CTPS1: variants seen among roughly 807,000 people sequenced by gnomAD.
The protein encoded by CTPS1 is CTP synthase 1, also known as CTP synthetase 1.
CTPS1 carries 25 observed loss-of-function variants against 80.5 expected under a neutral mutation model. That is an observed-to-expected ratio of 0.31 (90% CI 0.23 to 0.43). CTPS1 has a LOEUF of 0.43. CTPS1 is among the 20% of genes least tolerant of loss of function. The pLI, the probability that CTPS1 is intolerant of heterozygous loss-of-function variation, is 1.00. For synonymous variants in CTPS1, 267 were observed against 252.5 expected (o/e 1.06, Z -0.54); for missense variants, 442 against 725.7 (o/e 0.61, Z 4.49).
intron 5 of CTPS1, 67 bp downstream of exon 5, chr1:40,988,777 T>C (rs1195377611): frequency 9.7e-7 from 1 of 1,031,424 alleles, no homozygotes; most frequent in Non-Finnish European, 1.5e-6. Flanking sequence ...TAAACCGGAA[T>C]GATTTTCACT....
intron 1 of CTPS1, 135 bp from the exon 2 acceptor site, chr1:40,983,143 C>A: frequency 1.5e-6 from 1 of 662,688 alleles, no homozygotes; most frequent in Non-Finnish European, 2.5e-6. Context: ...CGAGAACCTT[C>A]TGAAGTCCTG....
intron 6 of CTPS1, among the ~76,000 whole-genome samples, chr1:40,991,475 C>T (rs1255384418): frequency 6.6e-6 from 1 of 152,136 alleles, no homozygotes; most frequent in African/African-American, 2.4e-5. Context: ...TCTTTTTACT[C>T]TCATTTTTAC....
rs933527017 is a variant in CTPS1, at chr1:40,994,044, G to T, written c.721-1873G>T. ...TCTGCCTGCCTCGGCCTCCCAAAGT[G>T]CTGGGATTACAGGTGTGAGCCACCG... On this transcript the variant is annotated intron_variant, in intron 7 of 18. Coordinates refer to ENST00000650070, the MANE Select transcript of CTPS1 (RefSeq NM_001905.4). 3.3e-5 allele frequency among the ~76,000 whole-genome samples: 5 copies of T among 152,078 alleles called. No homozygotes were observed. The East Asian group carries it at 9.6e-4, about 29-fold the overall frequency.
At chr1:40,988,442 CCTGTTAA>C (rs970988098) in intron 4 of CTPS1, 145 bp from the exon 5 acceptor site, 12 of 627,858 alleles carry the variant, frequency 1.9e-5, no homozygotes, top group South Asian at 1.4e-4. Context: ...TTGTCTAATT[CCTGTTAA>C]CTGTTAACTA....
rs565397192 is a variant in CTPS1 at position 41,011,719 on chromosome 1, G to A, written c.*71G>A. ...AGTTTACAGCTCTGACTTTACACTCGGCTTTGGAGACTTTCTTTAAATTAT... is the reference window on the plus strand; with the variant it reads ...AGTTTACAGCTCTGACTTTACACTCAGCTTTGGAGACTTTCTTTAAATTAT... On this transcript the variant is annotated 3_prime_UTR_variant, in exon 19 of 19. Coordinates refer to ENST00000650070, the MANE Select transcript of CTPS1 (RefSeq NM_001905.4). The A allele has an allele frequency of 8.6e-5, 13 of 152,040 alleles. No homozygotes were observed. Among genetic ancestry groups the A allele is most frequent in the African/African-American group, 2.4e-4 (10 of 41,452 alleles). 9.4% of individuals were successfully genotyped at this position (152,040 alleles called of 1,614,324 possible).
In CTPS1 at chr1:40,988,753, G is replaced by A. The variant is rs6675122; in HGVS notation, c.555+43G>A. 0.23 allele frequency: 301,788 copies of A among 1,316,530 alleles called. 36,966 individuals are homozygous for A. The highest frequency in any genetic ancestry group is 0.25 in the Non-Finnish European group (231,779 of 910,772). 81.6% of individuals were successfully genotyped at this position (1,316,530 alleles called of 1,614,324 possible). ...AGTTTTACTTTGGGGGAGATGGAGAGGAGGGAGGAAAGGTAAACCGGAATG... is the reference window on the plus strand; with the variant it reads ...AGTTTTACTTTGGGGGAGATGGAGAAGAGGGAGGAAAGGTAAACCGGAATG... On this transcript the variant is annotated intron_variant, in intron 5 of 18. Coordinates refer to ENST00000650070, the MANE Select transcript of CTPS1 (RefSeq NM_001905.4).
At chr1:40,983,682 G>A (rs1399782810) in intron 2 of CTPS1, among the ~76,000 whole-genome samples, 1 of 150,888 alleles carries the variant, frequency 6.6e-6, no homozygotes, top group Non-Finnish European at 1.5e-5. Flanking sequence ...GAGTGTAGTG[G>A]TGTGATCATG....
rs554769338 is a variant in CTPS1, at chr1:40,993,076, GT to G, written c.720+1235del. Among the ~76,000 whole-genome samples, 459 of 151,266 alleles carry G rather than the reference GT, an allele frequency of 3.0e-3. 1 individual carries two copies. The highest frequency in any genetic ancestry group is 0.01 in the African/African-American group (430 of 41,176). ...TTTTTTGCTTTTTTTTTGAGATGGA[GT>G]TTTCACTTTTTCATCCAGGCTGGAG... On this transcript the variant is annotated intron_variant, in intron 7 of 18. Transcript: ENST00000650070.
chr1:40,986,544 G>A (rs184829653), intron 3 of CTPS1, among the ~76,000 whole-genome samples: 11 of 152,336 alleles, frequency 7.2e-5, no homozygotes, highest in African/African-American at 2.6e-4. Context: ...TCACTTTGAC[G>A]CCATGTGTGG....
intron 5 of CTPS1, 65 bp from the exon 6 acceptor site, chr1:40,991,100 G>C: frequency 2.6e-6 from 3 of 1,176,416 alleles, no homozygotes; most frequent in Non-Finnish European, 3.7e-6. Context: ...TCAAGGAAAA[G>C]TCATACTTGA....
Position 40,992,194 on chromosome 1 carries a change from T to C in CTPS1, c.720+349T>C, listed in dbSNP as rs78672813. On this transcript the variant is annotated intron_variant, in intron 7 of 18. Transcript: ENST00000650070. Reference sequence around the variant, plus strand: ...GTTGGCTTGGCAGTCTCCTACTCACTCTCATCCTTCAGGTTCTAGCGAAGA... The same window carrying C: ...GTTGGCTTGGCAGTCTCCTACTCACCCTCATCCTTCAGGTTCTAGCGAAGA... 7.7e-3 allele frequency among the ~76,000 whole-genome samples: 1,173 copies of C among 152,306 alleles called. 20 individuals are homozygous for C. Among genetic ancestry groups the C allele is most frequent in the African/African-American group, 0.027 (1,129 of 41,552 alleles).
At chr1:40,981,493 C>T (rs7546898) in intron 1 of CTPS1, among the ~76,000 whole-genome samples, 42,609 of 151,970 alleles carry the variant, frequency 0.28, 6,302 homozygotes, top group African/African-American at 0.31. Context: ...GGTATAGTCT[C>T]AGTAAGGTAT....
chr1:41,006,123 G>A (rs1296923544), intron 13 of CTPS1, 29 bp downstream of exon 13: 3 of 1,585,260 alleles, frequency 1.9e-6, no homozygotes, highest in Non-Finnish European at 2.6e-6. Context: ...CCTCCACAGG[G>A]CTTAGAAGGG....
rs747923861 is a variant in CTPS1 at position 41,007,470 on chromosome 1, A to C, written c.1318A>C (p.Asn440His). The change falls in exon 14 of 19, where the codon AAC becomes CAC. Residue 440 changes from asparagine to histidine, a missense_variant. Asn to His is a moderately conservative substitution (Grantham distance 68, BLOSUM62 1). Around this residue, in one of 4 missense-constraint regions of CTPS1, gnomAD observed 321 missense variants for 467.2 expected, o/e 0.69. Transcript: ENST00000650070. This position sits in a 1 kb window ranked among gnomAD's most constrained non-coding sequence, Gnocchi z 4.4. ...CCAGGTCGTAGACATGCCAGAACAC[A>C]ACCCAGGGCAGATGGGCGGAACCAT... ...HPVVVDMPEH[N>H]PGQMGGTMRL... 6.2e-7 allele frequency: 1 copy of C among 1,614,122 alleles called. No homozygotes were observed. Among genetic ancestry groups the C allele is most frequent in the Admixed American group, 1.7e-5 (1 of 60,018 alleles).
At position 40,991,917 on chromosome 1, in the gene CTPS1, C is replaced by T. The variant is rs865927710; in HGVS notation, c.720+72C>T. 4.4e-5 allele frequency: 52 copies of T among 1,176,680 alleles called. No homozygotes were observed. The Middle Eastern group carries it at 3.5e-3, about 78-fold the overall frequency. 72.9% of individuals were successfully genotyped at this position (1,176,680 alleles called of 1,614,324 possible). On this transcript the variant is annotated intron_variant, in intron 7 of 18. Coordinates refer to ENST00000650070, the MANE Select transcript of CTPS1 (RefSeq NM_001905.4). The stretch of plus-strand genomic sequence containing the variant: ...TGTCCTAAAGCCTCTTGATCAGTTT[C>T]GTGAGGCTTGTTATTTTCTAATTAG...
chr1:41,002,529 C>T (rs753890071), intron 11 of CTPS1, among the ~76,000 whole-genome samples: 5 of 152,172 alleles, frequency 3.3e-5, no homozygotes, highest in Admixed American at 2.0e-4. Context: ...TTGTAGCACA[C>T]GTGAGGTTGA....
chr1:40,985,128 A>G (rs577497384), intron 3 of CTPS1, 137 bp downstream of exon 3: 7 of 521,052 alleles, frequency 1.3e-5, no homozygotes, highest in South Asian at 1.9e-4. Flanking sequence ...TGAAACTCTC[A>G]AGGTATTGTT....
intron 8 of CTPS1, among the ~76,000 whole-genome samples, chr1:40,996,759 T>C (rs545683544): frequency 6.6e-6 from 1 of 152,328 alleles, no homozygotes; most frequent in Non-Finnish European, 1.5e-5. Flanking sequence ...AGTTTTATCA[T>C]CCTTTTTCAT....
chr1:40,993,280 A>C (rs982679109), intron 7 of CTPS1, among the ~76,000 whole-genome samples: 3 of 151,830 alleles, frequency 2.0e-5, no homozygotes, highest in Admixed American at 6.6e-5. Context: ...GGAACTCCTG[A>C]CCTCAGGTGA....
Sources: allele counts gnomAD v4.1 joint callset (sites outside exome capture counted in the v4.1 genomes callset), GRCh38; gene constraint gnomAD v4.1.1; regional missense constraint gnomAD v4.1.1; non-coding constraint Gnocchi (gnomAD v3.1); transcripts MANE v1.5; gene names NCBI Gene and HGNC (gene_info 2026-07-23, HGNC 2026-07-21).